Variants in SLC16A6 observed in about 807,000 individuals in gnomAD.
SLC16A6 encodes solute carrier family 16 member 6.
Under a neutral mutation model 33.8 loss-of-function variants are expected in SLC16A6, and 15 were observed. The ratio of observed to expected loss-of-function variants is 0.44; its 90% CI spans 0.30 to 0.68. The LOEUF (loss-of-function observed/expected upper bound fraction) is 0.68, where lower values mean the gene tolerates loss of function less well. Among genes scored for constraint, SLC16A6 ranks in the 30% least tolerant of loss-of-function variants. The pLI is 0.10. For synonymous variants in SLC16A6, 219 were observed against 248.4 expected (o/e 0.88, Z 1.11); for missense variants, 451 against 661.5 (o/e 0.68, Z 3.49).
upstream of SLC16A6, chr17:68,291,310 C>T (rs1168256810): frequency 6.8e-6 from 1 of 146,984 alleles, no homozygotes; most frequent in Admixed American, 6.7e-5. Flanking sequence ...CCCCGCCCCC[C>T]ACCCCGGCCG....
At chr17:68,279,684 A>AGACATT (rs1372609374) in intron 1 of SLC16A6, among the ~76,000 whole-genome samples, 1 of 152,188 alleles carries the variant, frequency 6.6e-6, no homozygotes, top group South Asian at 2.1e-4. Flanking sequence ...ACTTCTAAGG[A>AGACATT]GACATTGACA....
In SLC16A6 at chr17:68,278,138, G is replaced by A; in HGVS notation, c.183C>T (p.Ser61=). Residue 61 remains serine, a synonymous_variant, in exon 2 of 6, where the codon AGC becomes AGT. Transcript: ENST00000580666. ...DLMDSFNESN[S]RISWIISICV... ...AGATTGAGATTATCCATGAGATCCTGCTATTGGATTCATTAAAACTGTCCA... is the reference window on the plus strand; with the variant it reads ...AGATTGAGATTATCCATGAGATCCTACTATTGGATTCATTAAAACTGTCCA... 1 of 1,614,058 alleles carries A rather than the reference G, an allele frequency of 6.2e-7. No individual in the cohort carries two copies. The highest frequency in any genetic ancestry group is 8.5e-7 in the Non-Finnish European group (1 of 1,179,952).
intron 2 of SLC16A6, among the ~76,000 whole-genome samples, chr17:68,277,050 A>G (rs1039440295): frequency 1.3e-5 from 2 of 152,164 alleles, no homozygotes; most frequent in African/African-American, 2.4e-5. Context: ...ATCTCCTTGT[A>G]CACATCTCAT....
At chr17:68,269,737 A>C (rs1448395469) in intron 5 of SLC16A6, among the ~76,000 whole-genome samples, 2 of 129,320 alleles carry the variant, frequency 1.5e-5, no homozygotes, top group African/African-American at 6.2e-5. Context: ...GCGATGGTGC[A>C]ATCTCAGGTC....
Position 68,271,803 on chromosome 17 carries a change from C to CT in SLC16A6, c.506-150dup. On this transcript the variant is annotated intron_variant, in intron 4 of 5. Transcript: ENST00000580666. This position sits in a 1 kb window ranked among gnomAD's most constrained non-coding sequence, Gnocchi z 5.3. The stretch of plus-strand genomic sequence containing the variant: ...ACTCAGCAGTATGAATGTACTCAAT[C>CT]TTTATTTATTTACTTTTTGAGACAG... 1 of 654,210 alleles carries CT rather than the reference C, an allele frequency of 1.5e-6. No homozygotes were observed. 40.5% of individuals were successfully genotyped at this position (654,210 alleles called of 1,614,324 possible).
chr17:68,281,293 T>G (rs58426209), intron 1 of SLC16A6, among the ~76,000 whole-genome samples: 28,691 of 151,546 alleles, frequency 0.19, 2,770 homozygotes, highest in Middle Eastern at 0.28. Context: ...AACAGGCTGG[T>G]GGCGGTGGCT....
At chr17:68,282,357 T>C (rs1262307871) in intron 1 of SLC16A6, among the ~76,000 whole-genome samples, 13 of 150,306 alleles carry the variant, frequency 8.6e-5, no homozygotes, top group Admixed American at 2.0e-4. Flanking sequence ...TGTCGTGGGG[T>C]TGGGGGAAGG....
At chr17:68,282,779 TAAAAAAA>T (rs36155626) in intron 1 of SLC16A6, among the ~76,000 whole-genome samples, 2 of 53,404 alleles carry the variant, frequency 3.7e-5, no homozygotes, top group African/African-American at 1.9e-4. Context: ...CCATCTCTAC[TAAAAAAA>T]AAAAAAAAAA....
chr17:68,272,108 G>T (rs1323090303), intron 4 of SLC16A6, among the ~76,000 whole-genome samples: 2 of 151,914 alleles, frequency 1.3e-5, no homozygotes, highest in African/African-American at 2.4e-5. Context: ...GCCTTTTTTT[G>T]TGTGTTTTAA....
chr17:68,273,729 T>C (rs933113619), intron 3 of SLC16A6, among the ~76,000 whole-genome samples, 198 bp downstream of exon 3: 12 of 152,154 alleles, frequency 7.9e-5, no homozygotes, highest in Non-Finnish European at 1.3e-4. Flanking sequence ...ACAAAAACCC[T>C]TGGGCACTTG....
At position 68,267,448 on chromosome 17, in the gene SLC16A6, A is replaced by G. The variant is rs1284387448; in HGVS notation, c.*1648T>C. 2.6e-5 allele frequency: 4 copies of G among 152,116 alleles called. No individual in the cohort carries two copies. Among genetic ancestry groups the G allele is most frequent in the Admixed American group, 6.5e-5 (1 of 15,282 alleles). The allele number at this position is 152,116 out of a possible 1,614,324, so 9.4% of individuals were successfully genotyped here. A position where few individuals can be genotyped will look rare whatever the true frequency, so the allele number is the denominator to read the frequency against. ...ATAGATTGTCCTATTTCTATGGCTG[A>G]TAAGATGCTCTACAAAATGTAGCAG... On this transcript the variant is annotated 3_prime_UTR_variant, in exon 6 of 6. Coordinates refer to ENST00000580666, the MANE Select transcript of SLC16A6 (RefSeq NM_004694.5).
chr17:68,280,586 TACAA>T (rs2075662519), intron 1 of SLC16A6, among the ~76,000 whole-genome samples: 1 of 152,152 alleles, frequency 6.6e-6, no homozygotes, highest in Non-Finnish European at 1.5e-5. Flanking sequence ...TGGATATCAA[TACAA>T]ACAATGAAAC....
At chr17:68,280,372 C>T (rs1173845926) in intron 1 of SLC16A6, among the ~76,000 whole-genome samples, 2 of 152,000 alleles carry the variant, frequency 1.3e-5, no homozygotes, top group Admixed American at 6.6e-5. Context: ...AGGCATCACA[C>T]TAACAGACCT....
chr17:68,284,890 C>T (rs1253368376), intron 1 of SLC16A6, among the ~76,000 whole-genome samples: 5 of 152,142 alleles, frequency 3.3e-5, no homozygotes, highest in African/African-American at 9.7e-5. Context: ...ATTATATGCT[C>T]ACAAAATCTG....
chr17:68,290,315 C>G (rs558719453), intron 1 of SLC16A6, among the ~76,000 whole-genome samples: 7 of 152,266 alleles, frequency 4.6e-5, no homozygotes, highest in African/African-American at 1.7e-4. Flanking sequence ...ACCTGTCTTG[C>G]TAGGGTGGGG....
In SLC16A6 at chr17:68,268,219, T is replaced by C. The variant is rs1186707236; in HGVS notation, c.*877A>G. On this transcript the variant is annotated 3_prime_UTR_variant, in exon 6 of 6. Coordinates refer to ENST00000580666, the MANE Select transcript of SLC16A6 (RefSeq NM_004694.5). ...AATGCTGCTTATGTCTCAGATTTTA[T>C]TTCTTTTGATTACTTTAATCATCCT... 4 of 152,604 alleles carry C rather than the reference T, an allele frequency of 2.6e-5. No individual in the cohort carries two copies. The highest frequency in any genetic ancestry group is 2.6e-4 in the Admixed American group (4 of 15,276). The allele number at this position is 152,604 out of a possible 1,614,324, so 9.5% of individuals were successfully genotyped here.
intron 1 of SLC16A6, among the ~76,000 whole-genome samples, chr17:68,289,933 G>A (rs1391449960): frequency 6.6e-6 from 1 of 152,144 alleles, no homozygotes. Flanking sequence ...TGAGAAGAGG[G>A]GTTTCTATTA....
chr17:68,279,952 C>T lies in SLC16A6; in HGVS notation c.-7-1625G>A, dbSNP rs370431364. ...ATCCCAGCACTTTGGGAGGCCAAAG[C>T]GGGTGGATCACCTGAGGTCAGGAGT... On this transcript the variant is annotated intron_variant, in intron 1 of 5. Transcript: ENST00000580666. Among the ~76,000 whole-genome samples the T allele has an allele frequency of 1.7e-4, 26 of 152,106 alleles. No homozygotes were observed. In the East Asian group the frequency reaches 2.7e-3, roughly 16 times the overall value.
rs782457967 is a variant in SLC16A6 at position 68,278,312 on chromosome 17, T to A, written c.9A>T (p.Gln3His). ...CTTTGGAACAAAGCTTTAATTTATT[T>A]TGGGTCATTCTTAATCTGAAAGAAA... MT[Q>H]NKLKLCSKAN... Residue 3 changes from glutamine (Q) to histidine (H), a missense_variant, in exon 2 of 6, where the codon CAA becomes CAT. Gln to His is a conservative substitution (Grantham distance 24). Coordinates refer to ENST00000580666, the MANE Select transcript of SLC16A6 (RefSeq NM_004694.5). 1 of 1,612,844 alleles carries A rather than the reference T, an allele frequency of 6.2e-7. No individual in the cohort carries two copies. Among genetic ancestry groups the A allele is most frequent in the Non-Finnish European group, 8.5e-7 (1 of 1,179,370 alleles).
Sources: gnomAD v4.1 joint callset for allele counts (sites outside exome capture counted in the v4.1 genomes callset) on GRCh38, gnomAD v4.1.1 for gene constraint, Gnocchi (gnomAD v3.1) non-coding constraint, MANE v1.5 for transcripts, NCBI Gene and HGNC (gene_info 2026-07-23, HGNC 2026-07-21) for gene names.